CLXN: variants seen among roughly 807,000 people sequenced by gnomAD.
CLXN encodes EF-hand calcium binding domain 1.
At chr8:48,730,450 C>CT in the CLXN span, 51 of 762,784 alleles carry the variant, frequency 6.7e-5, no homozygotes, top group Non-Finnish European at 9.8e-5. Context: ...AACAAACCCA[C>CT]TTTACTGTCT....
the CLXN span, among the ~76,000 whole-genome samples, chr8:48,728,259 T>C: frequency 6.6e-6 from 1 of 152,226 alleles, no homozygotes; most frequent in South Asian, 2.1e-4. Context: ...TGCATTTGCA[T>C]CTCTTGTTCC....
the CLXN span, among the ~76,000 whole-genome samples, chr8:48,734,934 C>T: frequency 6.6e-6 from 1 of 152,126 alleles, no homozygotes; most frequent in South Asian, 2.1e-4. Context: ...CCCGGGATTC[C>T]CTCTCTGACT....
chr8:48,729,986 C>T, the CLXN span: 6 of 909,736 alleles, frequency 6.6e-6, no homozygotes, highest in Non-Finnish European at 8.0e-6. Flanking sequence ...GGTCTTAGTG[C>T]AGCCTGATTT....
the CLXN span, among the ~76,000 whole-genome samples, chr8:48,720,138 A>T: frequency 1.3e-5 from 2 of 152,218 alleles, no homozygotes; most frequent in Non-Finnish European, 2.9e-5. Flanking sequence ...CCACTGTGAT[A>T]ATTGTGTTAA....
chr8:48,711,096 T>G, the CLXN span: 3 of 152,196 alleles, frequency 2.0e-5, no homozygotes, highest in Admixed American at 1.3e-4. Context: ...GCAGGTCAAA[T>G]CTGGTACAAA....
the CLXN span, chr8:48,730,512 G>A: frequency 5.5e-6 from 8 of 1,460,188 alleles, no homozygotes; most frequent in Middle Eastern, 5.2e-4. Flanking sequence ...CATAATGTAC[G>A]AACCAATAGG....
the CLXN span, among the ~76,000 whole-genome samples, chr8:48,729,563 T>C: frequency 6.6e-6 from 1 of 151,664 alleles, no homozygotes; most frequent in Non-Finnish European, 1.5e-5. Flanking sequence ...GGTTAGGTGG[T>C]GAAACTGAAA....
chr8:48,731,472 C>G, the CLXN span: 1 of 1,611,542 alleles, frequency 6.2e-7, no homozygotes, highest in Non-Finnish European at 8.5e-7. Context: ...CATAAAAAAG[C>G]TTTATAAGAC....
At chr8:48,724,499 G>A in the CLXN span, 23 of 350,456 alleles carry the variant, frequency 6.6e-5, no homozygotes, top group African/African-American at 4.6e-4. Context: ...GATAGTCTAT[G>A]TGATAAAACA....
the CLXN span, chr8:48,711,294 C>T: frequency 1.3e-5 from 2 of 152,134 alleles, no homozygotes; most frequent in Non-Finnish European, 2.9e-5. Context: ...ATTCCTTGTC[C>T]CTCTCTAGTT....
At chr8:48,712,040 C>T in the CLXN span, among the ~76,000 whole-genome samples, 1 of 152,166 alleles carries the variant, frequency 6.6e-6, no homozygotes, top group Non-Finnish European at 1.5e-5. Flanking sequence ...CATTTTCTGA[C>T]TTTATCATGT....
the CLXN span, among the ~76,000 whole-genome samples, chr8:48,732,922 G>A: frequency 6.6e-6 from 1 of 152,168 alleles, no homozygotes; most frequent in Non-Finnish European, 1.5e-5. Context: ...AAAGTAGAAT[G>A]ATAGTTGCCA....
the CLXN span, among the ~76,000 whole-genome samples, chr8:48,722,549 G>C: frequency 6.6e-6 from 1 of 152,112 alleles, no homozygotes; most frequent in African/African-American, 2.4e-5. Context: ...ATGAATAAAT[G>C]AATATATGAA....
the CLXN span, among the ~76,000 whole-genome samples, chr8:48,734,330 T>C: frequency 2.0e-5 from 3 of 152,250 alleles, no homozygotes; most frequent in African/African-American, 7.2e-5. Flanking sequence ...TACCCACGGC[T>C]TCCTTGCTAA....
chr8:48,735,157 G>A, the CLXN span: 3 of 1,614,026 alleles, frequency 1.9e-6, no homozygotes, highest in Non-Finnish European at 8.5e-7. Context: ...TTCATGTCTG[G>A]CGCTCAGAGA....
the CLXN span, among the ~76,000 whole-genome samples, chr8:48,733,409 C>T: frequency 6.6e-6 from 1 of 152,152 alleles, no homozygotes; most frequent in Non-Finnish European, 1.5e-5. Flanking sequence ...TTTTCATCTT[C>T]TTGGAATGCT....
chr8:48,731,513 T>C, the CLXN span: 3 of 1,580,600 alleles, frequency 1.9e-6, no homozygotes, highest in South Asian at 3.5e-5. Context: ...ACTGAAATAA[T>C]AAAATAGATA....
chr8:48,726,457 A>T, the CLXN span, among the ~76,000 whole-genome samples: 28 of 132,276 alleles, frequency 2.1e-4, no homozygotes, highest in South Asian at 3.2e-3. Flanking sequence ...CACCTACCTC[A>T]CCCATCAATC....
chr8:48,731,102 GT>G, the CLXN span, among the ~76,000 whole-genome samples: 1 of 152,106 alleles, frequency 6.6e-6, no homozygotes, highest in Non-Finnish European at 1.5e-5. Context: ...AAATCGAAAT[GT>G]TTTAGGTTTT....
Sources: gnomAD v4.1 joint callset for allele counts (sites outside exome capture counted in the v4.1 genomes callset) on GRCh38, gnomAD v4.1.1 for gene constraint, MANE v1.5 for transcripts, NCBI Gene and HGNC (gene_info 2026-07-23, HGNC 2026-07-21) for gene names.